Variants in KRT10 observed in about 807,000 individuals in gnomAD.
KRT10 encodes the protein keratin, type I cytoskeletal 10.
KRT10 carries 40 observed loss-of-function variants against 59.2 expected under a neutral mutation model. The ratio of observed to expected loss-of-function variants is 0.68; its 90% confidence interval spans 0.52 to 0.88. KRT10 has a LOEUF of 0.88. Among genes scored for constraint, KRT10 ranks in the 40% least tolerant of loss-of-function variants. The pLI, the probability that KRT10 is intolerant of heterozygous loss-of-function variation, is 0.00. For synonymous variants in KRT10, 336 were observed against 310.7 expected (o/e 1.08, Z -0.86); for missense variants, 719 against 749.1 (o/e 0.96, Z 0.47).
Position 40,818,923 on chromosome 17 carries a change from C to CGCCGTATCCGCCGCCGGA in KRT10, c.1611_1612insTCCGGCGGCGGATACGGC (p.Gly537_Gly538insSerGlyGlyGlyTyrGly), listed in dbSNP as rs1905189535. On this transcript the variant is annotated inframe_insertion, in exon 7 of 8. Transcript: ENST00000269576. ...CTGCCGCCCCCGTAGCCGCCGCCGC[C>CGCCGTATCCGCCGCCGGA]GCCGCCGGAACTGCCACCACCGTAG... 2 of 1,407,348 alleles carry CGCCGTATCCGCCGCCGGA rather than the reference C, an allele frequency of 1.4e-6. No individual in the cohort carries two copies. Among genetic ancestry groups the CGCCGTATCCGCCGCCGGA allele is most frequent in the African/African-American group, 3.1e-5 (2 of 64,150 alleles). 87.2% of individuals were successfully genotyped at this position (1,407,348 alleles called of 1,614,324 possible).
intron 5 of KRT10, 76 bp downstream of exon 5, chr17:40,819,973 G>T: frequency 2.6e-6 from 4 of 1,542,642 alleles, no homozygotes; most frequent in South Asian, 1.1e-5. Context: ...GCATTTTTTT[G>T]TTGCATTGCA....
Position 40,818,385 on chromosome 17 carries a change from G to A in KRT10, c.*91C>T, listed in dbSNP as rs1905144744. 1.9e-6 allele frequency: 3 copies of A among 1,582,042 alleles called. No homozygotes were observed. Among genetic ancestry groups the A allele is most frequent in the Non-Finnish European group, 1.7e-6 (2 of 1,153,594 alleles). On this transcript the variant is annotated 3_prime_UTR_variant, in exon 8 of 8. Transcript: ENST00000269576. ...TTCCTCTTGATGCAGTTTAATAGTAGTGTTTCTTGGTTTCTGATTCAACCA... is the reference window on the plus strand; with the variant it reads ...TTCCTCTTGATGCAGTTTAATAGTAATGTTTCTTGGTTTCTGATTCAACCA...
At position 40,818,458 on chromosome 17, in the gene KRT10, T is replaced by C; in HGVS notation, c.*18A>G. 6.2e-7 allele frequency: 1 copy of C among 1,613,058 alleles called. No individual in the cohort carries two copies. Among genetic ancestry groups the C allele is most frequent in the Non-Finnish European group, 8.5e-7 (1 of 1,179,062 alleles). ...GGGCGCCACCTCTTCAATAATTGTC[T>C]TGATTACTCTGGTTTTGTTAGTATC... On this transcript the variant is annotated 3_prime_UTR_variant, in exon 8 of 8. Transcript: ENST00000269576.
Position 40,819,091 on chromosome 17 carries a change from TTCC to T in KRT10, c.1441_1443del (p.Gly481del), listed in dbSNP as rs1905219318. ...CCGCCGCCGTGGCCGCCGCCGGAGC[TTCC>T]GCCGCCGGAGCTTCCGCCGCCGTAG... On this transcript the variant is annotated inframe_deletion, in exon 7 of 8. Transcript: ENST00000269576. 5 of 1,419,542 alleles carry T rather than the reference TTCC, an allele frequency of 3.5e-6. No homozygotes were observed. In the South Asian group the frequency reaches 6.7e-5, roughly 19 times the overall value. The allele number at this position is 1,419,542 out of a possible 1,614,324, so 87.9% of individuals were successfully genotyped here.
In KRT10 at chr17:40,822,195, A is replaced by T. The variant is rs775004391; in HGVS notation, c.391T>A (p.Phe131Ile). 33 of 1,613,404 alleles carry T rather than the reference A, an allele frequency of 2.0e-5. No individual in the cohort carries two copies. In the Admixed American group the frequency reaches 5.5e-4, roughly 27 times the overall value. The change falls in exon 1 of 8, where the codon TTT becomes ATT. Residue 131 changes from phenylalanine to isoleucine, a missense_variant. Phe to Ile is a conservative substitution (Grantham distance 21, BLOSUM62 0). This residue lies in a region of KRT10 where 176 missense variants were observed against 175.7 expected (regional missense o/e 1.00). Transcript: ENST00000269576. Reference sequence around the variant, plus strand: ...CCATCTCCTCCAAATCCACCACCAAAGCCTCCTCCAAAGCCGCCTCCACCA... The same window carrying T: ...CCATCTCCTCCAAATCCACCACCAATGCCTCCTCCAAAGCCGCCTCCACCA... Reference protein sequence around the residue: ...GFGGGGFGGGFGGGFGGDGGL... With the variant: ...GFGGGGFGGGIGGGFGGDGGL...
At position 40,820,419 on chromosome 17, in the gene KRT10, A is replaced by G; in HGVS notation, c.872T>C (p.Met291Thr). 1 of 1,614,200 alleles carries G rather than the reference A, an allele frequency of 6.2e-7. No individual in the cohort carries two copies. The highest frequency in any genetic ancestry group is 8.5e-7 in the Non-Finnish European group (1 of 1,180,028). ...AYLKKNHEEE[M>T]KDLRNVSTGD... ...AGTGGACACATTTCGAAGGTCTTTC[A>G]TTTCCTGTTTGAGGAACAGAAAGAT... is the stretch of plus-strand genomic sequence containing the variant. Residue 291 changes from methionine to threonine, a missense_variant, in exon 4 of 8, where the codon ATG becomes ACG. Physicochemically the swap from Met to Thr is moderately conservative, Grantham distance 81. Transcript: ENST00000269576.
In KRT10 at chr17:40,822,466, T is replaced by A. The variant is rs778362078; in HGVS notation, c.120A>T (p.Lys40Asn). Residue 40 changes from lysine (K) to asparagine (N), a missense_variant, in exon 1 of 8, where the codon AAA becomes AAT. Around this residue, in one of 4 missense-constraint regions of KRT10, gnomAD observed 176 missense variants for 175.7 expected, o/e 1.00. Coordinates refer to ENST00000269576, the MANE Select transcript of KRT10 (RefSeq NM_000421.5). ...AGCTAAATCCTCCACCAAGGGAGCC[T>A]TTGCTGCTAGAAATTCTTAGGGATG... ...GVSSLRISSSKGSLGGGFSSG... is the reference protein window; with the variant it reads ...GVSSLRISSSNGSLGGGFSSG... The A allele has an allele frequency of 4.3e-6, 7 of 1,613,504 alleles. No individual in the cohort carries two copies. The highest frequency in any genetic ancestry group is 5.9e-6 in the Non-Finnish European group (7 of 1,179,926).
In KRT10 at chr17:40,820,334, A is replaced by G. The variant is rs748417456; in HGVS notation, c.957T>C (p.Asn319=). ...GTTGTTCATATTGGCTTCTCATGTT[A>G]TTCAGAAGTTGAGTCAGATCAACAC... ...APGVDLTQLL[N]NMRSQYEQLA... Residue 319 remains asparagine (N), a synonymous_variant, in exon 4 of 8, where the codon AAT becomes AAC. Transcript: ENST00000269576. 1 of 1,614,040 alleles carries G rather than the reference A, an allele frequency of 6.2e-7. No homozygotes were observed. Among genetic ancestry groups the G allele is most frequent in the Non-Finnish European group, 8.5e-7 (1 of 1,180,038 alleles).
Position 40,819,694 on chromosome 17 carries a change from C to T in KRT10, c.1196G>A (p.Arg399His), listed in dbSNP as rs370955521. The T allele has an allele frequency of 5.6e-6, 9 of 1,614,168 alleles. No individual in the cohort carries two copies. The highest frequency in any genetic ancestry group is 4.5e-5 in the East Asian group (2 of 44,884). The change falls in exon 6 of 8, where the codon CGC becomes CAC. Residue 399 changes from arginine (R) to histidine (H), a missense_variant. By Grantham distance (29) the Arg-to-His change is conservative. Around this residue, in one of 4 missense-constraint regions of KRT10, gnomAD observed 315 missense variants for 270.6 expected, o/e 1.16. Transcript: ENST00000269576. Reference protein sequence around the residue: ...LEASLAETEGRYCVQLSQIQA... With the variant: ...LEASLAETEGHYCVQLSQIQA... ...AATCTGTGAGAGCTGCACACAGTAG[C>T]GACCTTCTGTTTCTGCCAAGGAGGC...
intron 7 of KRT10, 47 bp downstream of exon 7, chr17:40,818,740 C>T (rs1371424598): frequency 6.3e-7 from 1 of 1,587,560 alleles, no homozygotes; most frequent in Admixed American, 1.7e-5. Flanking sequence ...AAAACCATCA[C>T]AGGAAGTTAA....
intron 2 of KRT10, 27 bp from the exon 3 acceptor site, chr17:40,820,694 G>T: frequency 6.2e-7 from 1 of 1,613,142 alleles, no homozygotes; most frequent in Non-Finnish European, 8.5e-7. Flanking sequence ...ATCAATACTG[G>T]TTATAACTTA....
At position 40,820,674 on chromosome 17, in the gene KRT10, C is replaced by T; in HGVS notation, c.711-7G>A. 1 of 1,614,116 alleles carries T rather than the reference C, an allele frequency of 6.2e-7. No individual in the cohort carries two copies. The highest frequency in any genetic ancestry group is 1.6e-4 in the Middle Eastern group (1 of 6,062). On this transcript the variant is annotated splice_region_variant and splice_polypyrimidine_tract_variant and intron_variant, in intron 2 of 7. Transcript: ENST00000269576. ...AGCTACCTCATTCTCATACCTGAAA[C>T]AAGCATGATATCAATACTGGTTATA...
Position 40,818,926 on chromosome 17 carries a change from C to G in KRT10, c.1609G>C (p.Gly537Arg), listed in dbSNP as rs759536459. ...SGGYGGGSSGGGGGGYGGGSS... is the reference protein window; with the variant it reads ...SGGYGGGSSGRGGGGYGGGSS... The stretch of plus-strand genomic sequence containing the variant: ...CCGCCCCCGTAGCCGCCGCCGCCGC[C>G]GCCGGAACTGCCACCACCGTAGCCG... Residue 537 changes from glycine to arginine, a missense_variant, in exon 7 of 8, where the codon GGC becomes CGC. By Grantham distance (125) the Gly-to-Arg change is moderately radical. Transcript: ENST00000269576. 2.3e-5 allele frequency: 29 copies of G among 1,241,748 alleles called. No individual in the cohort carries two copies. Among genetic ancestry groups the G allele is most frequent in the Non-Finnish European group, 2.9e-5 (29 of 985,110 alleles). The allele number at this position is 1,241,748 out of a possible 1,614,324, so 76.9% of individuals were successfully genotyped here. A position where few individuals can be genotyped will look rare whatever the true frequency, so the allele number is the denominator to read the frequency against.
chr17:40,820,004 A>G (rs774619735), intron 5 of KRT10, 45 bp downstream of exon 5: 3 of 1,609,744 alleles, frequency 1.9e-6, no homozygotes, highest in Non-Finnish European at 2.5e-6. Context: ...TGAGCATGAA[A>G]CTTTGTATGA....
rs117588718 is a variant in KRT10 at position 40,818,382 on chromosome 17, G to A, written c.*94C>T. 55,835 of 1,571,258 alleles carry A rather than the reference G, an allele frequency of 0.036. 1,151 individuals are homozygous for A. Among genetic ancestry groups the A allele is most frequent in the Non-Finnish European group, 0.042 (47,763 of 1,144,274 alleles). On this transcript the variant is annotated 3_prime_UTR_variant, in exon 8 of 8. Coordinates refer to ENST00000269576, the MANE Select transcript of KRT10 (RefSeq NM_000421.5). ...TCTTTCCTCTTGATGCAGTTTAATA[G>A]TAGTGTTTCTTGGTTTCTGATTCAA...
Position 40,819,047 on chromosome 17 carries a change from G to GCCT in KRT10, c.1487_1488insAGG (p.Gly498dup). On this transcript the variant is annotated inframe_insertion, in exon 7 of 8. Transcript: ENST00000269576. Reference sequence around the variant, plus strand: ...CGGAGCTTCCGCCTCCGTAGCCGCCGCCGGAACTGCCGCCGTGGCCGCCGC... The same window carrying GCCT: ...CGGAGCTTCCGCCTCCGTAGCCGCCGCCTCCGGAACTGCCGCCGTGGCCGCCGC... The GCCT allele has an allele frequency of 2.2e-6, 3 of 1,347,856 alleles. No homozygotes were observed. Among genetic ancestry groups the GCCT allele is most frequent in the South Asian group, 1.5e-5 (1 of 66,430 alleles). The allele number at this position is 1,347,856 out of a possible 1,614,324, so 83.5% of individuals were successfully genotyped here.
intron 6 of KRT10, 137 bp downstream of exon 6, chr17:40,819,380 C>A: frequency 7.9e-7 from 1 of 1,264,808 alleles, no homozygotes; most frequent in Non-Finnish European, 1.1e-6. Flanking sequence ...ATTGCGGTTG[C>A]GTACTCCTTT....
At position 40,818,370 on chromosome 17, in the gene KRT10, T is replaced by C. The variant is rs1905143778; in HGVS notation, c.*106A>G. Reference sequence around the variant, plus strand: ...GTGAAGGGAGACTCTTTCCTCTTGATGCAGTTTAATAGTAGTGTTTCTTGG... The same window carrying C: ...GTGAAGGGAGACTCTTTCCTCTTGACGCAGTTTAATAGTAGTGTTTCTTGG... On this transcript the variant is annotated 3_prime_UTR_variant, in exon 8 of 8. Coordinates refer to ENST00000269576, the MANE Select transcript of KRT10 (RefSeq NM_000421.5). 1.3e-6 allele frequency: 2 copies of C among 1,517,980 alleles called. No individual in the cohort carries two copies. The highest frequency in any genetic ancestry group is 1.8e-5 in the Admixed American group (1 of 56,618). 94.0% of individuals were successfully genotyped at this position (1,517,980 alleles called of 1,614,324 possible). A position where few individuals can be genotyped will look rare whatever the true frequency, so the allele number is the denominator to read the frequency against.
intron 1 of KRT10, 111 bp downstream of exon 1, chr17:40,821,848 A>G (rs1905404289): frequency 8.6e-7 from 1 of 1,159,926 alleles, no homozygotes; most frequent in Admixed American, 1.9e-5. Context: ...TTGAAGGAAG[A>G]AAGTAACATG....
Sources: allele counts gnomAD v4.1 joint callset, GRCh38; gene constraint gnomAD v4.1.1; regional missense constraint gnomAD v4.1.1; transcripts MANE v1.5; gene names NCBI Gene and HGNC (gene_info 2026-07-23, HGNC 2026-07-21).